Variants in TET2 observed in about 807,000 individuals in gnomAD.
TET2 encodes tet methylcytosine dioxygenase 2.
A neutral mutation model predicts 142.9 loss-of-function variants in TET2; 299 were observed. The ratio of observed to expected loss-of-function variants is 2.09; its 90% CI spans 1.90 to 2.30. The LOEUF (loss-of-function observed/expected upper bound fraction) is 2.30. Ranked by LOEUF, TET2 falls within the 30% of genes most tolerant of loss-of-function variation. The probability of loss-of-function intolerance (pLI) is 0.00; values close to 1 mark genes in which losing one functional copy is unlikely to be tolerated. For missense variants in TET2, 2,418 were observed against 2,378.0 expected, an observed-to-expected ratio of 1.02 and a Z score of -0.35; for synonymous variants, 819 against 849.0, an observed-to-expected ratio of 0.96 and a Z score of 0.61.
Position 105,161,145 on chromosome 4 carries a change from A to G in TET2, c.-193+14166A>G, listed in dbSNP as rs115169965. ...CCGAATCTATTATTCACATATAGAA[A>G]CTCAGGTTTTAGCCATTTAACATCT... On this transcript the variant is annotated intron_variant, in intron 1 of 10. Coordinates refer to ENST00000380013, the MANE Select transcript of TET2 (RefSeq NM_001127208.3). Among the ~76,000 whole-genome samples, 326 of 152,254 alleles carry G rather than the reference A, an allele frequency of 2.1e-3. 1 individual carries two copies. The highest frequency in any genetic ancestry group is 7.5e-3 in the African/African-American group (312 of 41,550).
At chr4:105,196,500 A>G (rs1180275237) in intron 2 of TET2, among the ~76,000 whole-genome samples, 1 of 152,180 alleles carries the variant, frequency 6.6e-6, no homozygotes, top group Admixed American at 6.6e-5. Context: ...AAGTAGATCA[A>G]ACTCTATGCT....
intron 1 of TET2, among the ~76,000 whole-genome samples, chr4:105,181,136 G>A (rs1456587364): frequency 6.6e-6 from 1 of 151,916 alleles, no homozygotes; most frequent in African/African-American, 2.4e-5. Flanking sequence ...TAAATCCTTT[G>A]TAACAAAGTT....
intron 2 of TET2, among the ~76,000 whole-genome samples, chr4:105,220,505 T>C (rs1727750005): frequency 6.6e-6 from 1 of 151,974 alleles, no homozygotes; most frequent in Admixed American, 6.6e-5. Context: ...ACCCTTGGAG[T>C]TGAAAGTAGG....
intron 2 of TET2, among the ~76,000 whole-genome samples, chr4:105,215,329 T>G (rs2110562382): frequency 6.6e-6 from 1 of 152,288 alleles, no homozygotes; most frequent in Middle Eastern, 3.4e-3. Context: ...TATTTCAGTG[T>G]CTCTCTGTAA....
intron 2 of TET2, among the ~76,000 whole-genome samples, chr4:105,192,770 G>C (rs73836052): frequency 0.059 from 8,944 of 152,094 alleles, 731 homozygotes; most frequent in African/African-American, 0.18. Context: ...GTATAATATA[G>C]TAAATACCAA....
intron 3 of TET2, chr4:105,238,825 C>T (rs1729107264): frequency 4.2e-6 from 1 of 239,222 alleles, no homozygotes; most frequent in Non-Finnish European, 8.9e-6. Flanking sequence ...GATACCTTTC[C>T]AGAAGGCTTT....
chr4:105,231,809 T>A (rs115341486), intron 2 of TET2, among the ~76,000 whole-genome samples: 1 of 152,204 alleles, frequency 6.6e-6, no homozygotes, highest in African/African-American at 2.4e-5. Flanking sequence ...GGATTAATTT[T>A]TTTAGTGCCA....
chr4:105,151,004 G>C (rs1166640614), intron 1 of TET2, among the ~76,000 whole-genome samples: 2 of 152,178 alleles, frequency 1.3e-5, no homozygotes, highest in African/African-American at 4.8e-5. Flanking sequence ...CAAAAGAATA[G>C]ATATTTGGTT....
rs1728859723 is a variant in TET2, at chr4:105,235,995, CA to C, written c.2056del (p.Arg686GlufsTer14). The stretch of plus-strand genomic sequence containing the variant: ...GTGTGGCACTAGATTTCATTTTCAA[CA>C]AAGAGCAGATTCCCAAACTGAAAAA... ...SLCGTRFHFQQRADSQTEKLM... is the reference protein window; with the variant it reads ...SLCGTRFHFQXRADSQTEKLM... On this transcript the variant is annotated frameshift_variant, in exon 3 of 11. Transcript: ENST00000380013. LOFTEE classifies it high-confidence loss of function. 2 of 1,614,054 alleles carry C rather than the reference CA, an allele frequency of 1.2e-6. No individual in the cohort carries two copies. The highest frequency in any genetic ancestry group is 1.7e-6 in the Non-Finnish European group (2 of 1,180,030).
intron 6 of TET2, among the ~76,000 whole-genome samples, chr4:105,250,884 G>T (rs1729840350): frequency 6.6e-6 from 1 of 151,848 alleles, no homozygotes; most frequent in Non-Finnish European, 1.5e-5. Context: ...GTTTCACCAT[G>T]TTGGCCAGGC....
At position 105,236,104 on chromosome 4, in the gene TET2, AT is replaced by A; in HGVS notation, c.2163del (p.His721GlnfsTer30). The A allele has an allele frequency of 6.2e-7, 1 of 1,614,214 alleles. No individual in the cohort carries two copies. Among genetic ancestry groups the A allele is most frequent in the Non-Finnish European group, 8.5e-7 (1 of 1,180,024 alleles). ...TTTTCAAACTCACACCTTTTGCAACATAAGCCTCATAAACAGGCAGCACAAA... is the reference window on the plus strand; with the variant it reads ...TTTTCAAACTCACACCTTTTGCAACAAAGCCTCATAAACAGGCAGCACAAA... ...EPFSNSHLLQ[H>X]KPHKQAAQTQ... On this transcript the variant is annotated frameshift_variant, in exon 3 of 11. Coordinates refer to ENST00000380013, the MANE Select transcript of TET2 (RefSeq NM_001127208.3). LOFTEE classifies it high-confidence loss of function.
At chr4:105,147,258 A>T (rs1723068475) in intron 1 of TET2, among the ~76,000 whole-genome samples, 1 of 152,232 alleles carries the variant, frequency 6.6e-6, no homozygotes, top group Non-Finnish European at 1.5e-5. Context: ...GCCTCCGACG[A>T]GCCGGTTTCC....
At chr4:105,198,049 T>A (rs955822887) in intron 2 of TET2, among the ~76,000 whole-genome samples, 5 of 152,056 alleles carry the variant, frequency 3.3e-5, no homozygotes, top group Non-Finnish European at 7.4e-5. Flanking sequence ...TAATAAATGT[T>A]TTTTGGGCCA....
intron 8 of TET2, among the ~76,000 whole-genome samples, chr4:105,262,287 A>G (rs911407726): frequency 6.6e-6 from 1 of 152,186 alleles, no homozygotes; most frequent in East Asian, 1.9e-4. Flanking sequence ...GTAAGTATAT[A>G]TATTTCGGTC....
At chr4:105,250,183 G>A (rs1214908115) in intron 6 of TET2, among the ~76,000 whole-genome samples, 2 of 151,940 alleles carry the variant, frequency 1.3e-5, no homozygotes, top group Non-Finnish European at 2.9e-5. Flanking sequence ...CAAGATGTAT[G>A]GGTTTATTTC....
chr4:105,181,560 A>G (rs1411976099), intron 1 of TET2, among the ~76,000 whole-genome samples: 1 of 152,214 alleles, frequency 6.6e-6, no homozygotes, highest in Non-Finnish European at 1.5e-5. Context: ...AAATCTAGCA[A>G]ATAAAAAATG....
intron 1 of TET2, among the ~76,000 whole-genome samples, chr4:105,159,802 G>A (rs542278006): frequency 6.6e-6 from 1 of 151,980 alleles, no homozygotes; most frequent in Admixed American, 6.6e-5. Context: ...GCAAGAGATC[G>A]AGATCATCCT....
In TET2 at chr4:105,236,437, T is replaced by C. The variant is rs1728917764; in HGVS notation, c.2495T>C (p.Val832Ala). 6.2e-6 allele frequency: 10 copies of C among 1,614,042 alleles called. No homozygotes were observed. Among genetic ancestry groups the C allele is most frequent in the Non-Finnish European group, 8.5e-6 (10 of 1,180,000 alleles). Reference sequence around the variant, plus strand: ...AAATCAAGTGCATGCAAAATACAGGTTTCTTGTTCAAACAATACACACCTA... The same window carrying C: ...AAATCAAGTGCATGCAAAATACAGGCTTCTTGTTCAAACAATACACACCTA... Reference protein sequence around the residue: ...TMKSSACKIQVSCSNNTHLVS... With the variant: ...TMKSSACKIQASCSNNTHLVS... The change falls in exon 3 of 11, where the codon GTT becomes GCT. Residue 832 changes from valine to alanine, a missense_variant. Transcript: ENST00000380013.
chr4:105,222,772 A>C (rs1250555799), intron 2 of TET2, among the ~76,000 whole-genome samples: 1 of 151,766 alleles, frequency 6.6e-6, no homozygotes, highest in Non-Finnish European at 1.5e-5. Context: ...TTGGTGTTTT[A>C]GACATGAAGT....
Sources: allele counts gnomAD v4.1 joint callset (sites outside exome capture counted in the v4.1 genomes callset), GRCh38; gene constraint gnomAD v4.1.1; transcripts MANE v1.5; gene names NCBI Gene and HGNC (gene_info 2026-07-23, HGNC 2026-07-21).